The following LGALS16 variants were observed in gnomAD, a reference collection of about 807,000 sequenced individuals.
The protein encoded by LGALS16 is galectin 16.
A neutral mutation model predicts 13.2 loss-of-function variants in LGALS16; 15 were observed. The observed-to-expected ratio is 1.13, with a 90% CI of 0.76 to 1.75. The LOEUF (loss-of-function observed/expected upper bound fraction) is 1.75, where lower values mean the gene tolerates loss of function less well. Ranked by LOEUF, LGALS16 falls within the 40% of genes most tolerant of loss-of-function variation. The pLI is 0.00. For missense variants in LGALS16, 198 were observed against 178.4 expected (o/e 1.11, Z -0.63); for synonymous variants, 66 against 65.4 (o/e 1.01, Z -0.05).
chr19:39,658,565 T>C lies in LGALS16; in HGVS notation c.198T>C (p.Ser66=), dbSNP rs775823514. 1 of 1,608,852 alleles carries C rather than the reference T, an allele frequency of 6.2e-7. No homozygotes were observed. The highest frequency in any genetic ancestry group is 1.7e-5 in the Admixed American group (1 of 59,654). ...VHLGRRVVMN[S]REFGIWMLEE... is the part of the protein sequence containing the mutation. ...TAGGCCGTCGTGTGGTCATGAACAG[T>C]CGTGAGTTTGGGATATGGATGTTGG... Residue 66 remains serine (S), a synonymous_variant, in exon 3 of 4, where the codon AGT becomes AGC. Coordinates refer to ENST00000392051, the MANE Select transcript of LGALS16 (RefSeq NM_001190441.3).
At chr19:39,660,278 G>A (rs572313928) in intron 3 of LGALS16, 117 bp from the exon 4 acceptor site, 66 of 960,478 alleles carry the variant, frequency 6.9e-5, no homozygotes, top group African/African-American at 4.4e-4. Context: ...TACAACATTC[G>A]CTTGTATAAC....
At chr19:39,658,711 A>T (rs1465159657) in intron 3 of LGALS16, 41 bp downstream of exon 3, 8 of 1,324,336 alleles carry the variant, frequency 6.0e-6, no homozygotes, top group Non-Finnish European at 8.4e-6. Context: ...GCTCTTTGGG[A>T]TCCCAGAGCA....
Position 39,658,570 on chromosome 19 carries a change from A to C in LGALS16, c.203A>C (p.Glu68Ala). The C allele has an allele frequency of 6.2e-7, 1 of 1,608,956 alleles. No homozygotes were observed. The highest frequency in any genetic ancestry group is 8.5e-7 in the Non-Finnish European group (1 of 1,179,128). ...LGRRVVMNSREFGIWMLEENL... is the reference protein window; with the variant it reads ...LGRRVVMNSRAFGIWMLEENL... ...CGTCGTGTGGTCATGAACAGTCGTG[A>C]GTTTGGGATATGGATGTTGGAGGAG... The change falls in exon 3 of 4, where the codon GAG becomes GCG. Residue 68 changes from glutamate to alanine, a missense_variant. By Grantham distance (107) the Glu-to-Ala change is moderately radical. Coordinates refer to ENST00000392051, the MANE Select transcript of LGALS16 (RefSeq NM_001190441.3).
rs1264284319 is a variant in LGALS16 at position 39,658,548 on chromosome 19, C to T, written c.181C>T (p.Arg61Cys). The T allele has an allele frequency of 9.9e-6, 16 of 1,608,324 alleles. No individual in the cohort carries two copies. The highest frequency in any genetic ancestry group is 1.6e-4 in the Middle Eastern group (1 of 6,062). ...CCATTTGCGAGTGCACTTAGGCCGT[C>T]GTGTGGTCATGAACAGTCGTGAGTT... ...AFHLRVHLGR[R>C]VVMNSREFGI... The change falls in exon 3 of 4, where the codon CGT (arginine) becomes TGT (cysteine). Residue 61 changes from arginine (R) to cysteine (C), a missense_variant. Coordinates refer to ENST00000392051, the MANE Select transcript of LGALS16 (RefSeq NM_001190441.3).
intron 2 of LGALS16, 118 bp downstream of exon 2, chr19:39,658,077 C>A (rs1973215564): frequency 3.3e-6 from 4 of 1,216,124 alleles, no homozygotes; most frequent in South Asian, 2.7e-5. Flanking sequence ...AGGCCCCATG[C>A]AGGTGCAGGT....
rs775802391 is a variant in LGALS16 at position 39,658,474 on chromosome 19, T to A, written c.107T>A (p.Leu36Gln). Residue 36 changes from leucine to glutamine, a missense_variant, in exon 3 of 4, where the codon CTG (leucine) becomes CAG (glutamine). Transcript: ENST00000392051. ...LIDSSINEPQ[L>Q]QVDFYTEMNE... ...TTTGCCCTCAGCAACGAACCACAGC[T>A]GCAGGTGGATTTCTACACTGAGATG... is the stretch of plus-strand genomic sequence containing the variant. The A allele has an allele frequency of 3.1e-6, 5 of 1,600,792 alleles. No homozygotes were observed. Among genetic ancestry groups the A allele is most frequent in the Admixed American group, 3.4e-5 (2 of 58,516 alleles).
Position 39,660,469 on chromosome 19 carries a change from G to T in LGALS16, c.378G>T (p.Val126=). 4 of 1,542,626 alleles carry T rather than the reference G, an allele frequency of 2.6e-6. No individual in the cohort carries two copies. The highest frequency in any genetic ancestry group is 2.6e-6 in the Non-Finnish European group (3 of 1,148,532). ...CATCATATGTGAAGATGATTCAAGT[G>T]TGGAGAGATGTCTCCCTGGACTCAG... The part of the protein sequence containing the change: ...IPPSYVKMIQ[V]WRDVSLDSVL... The change falls in exon 4 of 4, where the codon GTG becomes GTT. Residue 126 remains valine (V), a synonymous_variant. Coordinates refer to ENST00000392051, the MANE Select transcript of LGALS16 (RefSeq NM_001190441.3).
At chr19:39,656,303 A>T (rs971927553) in intron 1 of LGALS16, among the ~76,000 whole-genome samples, 3 of 152,088 alleles carry the variant, frequency 2.0e-5, no homozygotes, top group Admixed American at 6.6e-5. Flanking sequence ...GGGTGATTGT[A>T]CTTTGTCTTC....
intron 1 of LGALS16, among the ~76,000 whole-genome samples, chr19:39,656,726 T>C (rs1973198948): frequency 6.6e-6 from 1 of 151,744 alleles, no homozygotes; most frequent in African/African-American, 2.4e-5. Flanking sequence ...TCAGGTGGGG[T>C]CTGCACAGAG....
rs572509237 is a variant in LGALS16 at position 39,657,001 on chromosome 19, G to A, written c.16-882G>A. Among the ~76,000 whole-genome samples the A allele has an allele frequency of 2.6e-5, 4 of 152,120 alleles. No homozygotes were observed. The South Asian group carries it at 6.2e-4, about 24-fold the overall frequency. On this transcript the variant is annotated intron_variant, in intron 1 of 3. Coordinates refer to ENST00000392051, the MANE Select transcript of LGALS16 (RefSeq NM_001190441.3). Reference sequence around the variant, plus strand: ...AAAGCAGCTGGGTTCACTGGCTCACGGCTATAATCCCACCAATCTGAGAGA... The same window carrying A: ...AAAGCAGCTGGGTTCACTGGCTCACAGCTATAATCCCACCAATCTGAGAGA...
chr19:39,658,096 C>A, intron 2 of LGALS16, 137 bp downstream of exon 2: 1 of 988,380 alleles, frequency 1.0e-6, no homozygotes, highest in Non-Finnish European at 1.5e-6. Context: ...GTCCTGGAGA[C>A]CCTCCAGCAC....
chr19:39,656,201 C>A (rs970944708), intron 1 of LGALS16, among the ~76,000 whole-genome samples: 2 of 152,046 alleles, frequency 1.3e-5, no homozygotes, highest in Non-Finnish European at 2.9e-5. Flanking sequence ...GAGGTGGTAT[C>A]TGATGAGAGT....
At position 39,658,639 on chromosome 19, in the gene LGALS16, T is replaced by C; in HGVS notation, c.272T>C (p.Leu91Ser). ...TTTGAGGATGGCAAACCATTTGACTTGCGCATCTACGTGTGTCACAATGAG... is the reference window on the plus strand; with the variant it reads ...TTTGAGGATGGCAAACCATTTGACTCGCGCATCTACGTGTGTCACAATGAG... ...VPFEDGKPFD[L>S]RIYVCHNEYE... The change falls in exon 3 of 4, where the codon TTG (leucine) becomes TCG (serine). Residue 91 changes from leucine to serine, a missense_variant. Transcript: ENST00000392051. 1 of 1,593,164 alleles carries C rather than the reference T, an allele frequency of 6.3e-7. No individual in the cohort carries two copies. Among genetic ancestry groups the C allele is most frequent in the Non-Finnish European group, 8.5e-7 (1 of 1,173,042 alleles).
At chr19:39,657,780 GC>G in intron 1 of LGALS16, 102 bp from the exon 2 acceptor site, 1 of 1,297,440 alleles carries the variant, frequency 7.7e-7, no homozygotes, top group Non-Finnish European at 1.1e-6. Context: ...AGTCCACAGA[GC>G]CTGCCCTGTG....
chr19:39,658,208 G>A (rs1973217187), intron 2 of LGALS16, among the ~76,000 whole-genome samples: 1 of 152,176 alleles, frequency 6.6e-6, no homozygotes, highest in African/African-American at 2.4e-5. Flanking sequence ...AAGGGGCATA[G>A]AATTTTCAGG....
In LGALS16 at chr19:39,658,509, T is replaced by C; in HGVS notation, c.142T>C (p.Ser48Pro). The C allele has an allele frequency of 6.2e-7, 1 of 1,606,346 alleles. No homozygotes were observed. Among genetic ancestry groups the C allele is most frequent in the Non-Finnish European group, 8.5e-7 (1 of 1,178,054 alleles). Reference protein sequence around the residue: ...VDFYTEMNEDSEIAFHLRVHL... With the variant: ...VDFYTEMNEDPEIAFHLRVHL... ...TTTCTACACTGAGATGAATGAGGAC[T>C]CAGAAATTGCCTTCCATTTGCGAGT... The change falls in exon 3 of 4, where the codon TCA becomes CCA. Residue 48 changes from serine (S) to proline (P), a missense_variant. Physicochemically the swap from Ser to Pro is moderately conservative, Grantham distance 74. Coordinates refer to ENST00000392051, the MANE Select transcript of LGALS16 (RefSeq NM_001190441.3).
Position 39,660,520 on chromosome 19 carries a change from A to T in LGALS16, c.429A>T (p.Ter143CysextTer?). 1 of 1,549,672 alleles carries T rather than the reference A, an allele frequency of 6.5e-7. No individual in the cohort carries two copies. Among genetic ancestry groups the T allele is most frequent in the Non-Finnish European group, 8.7e-7 (1 of 1,152,740 alleles). The change falls in exon 4 of 4, where the codon TGA becomes TGT. Residue 143 changes from the stop codon to cysteine (C), a stop_lost. Transcript: ENST00000392051. ...DSVLVNNGRR[*>C] is the part of the protein sequence containing the mutation. ...TGCTTGTCAACAATGGACGGAGATGATCACACTCCTCATTGTTGAGGAAAC... is the reference window on the plus strand; with the variant it reads ...TGCTTGTCAACAATGGACGGAGATGTTCACACTCCTCATTGTTGAGGAAAC...
At chr19:39,659,923 G>A (rs547404281) in intron 3 of LGALS16, among the ~76,000 whole-genome samples, 46 of 152,236 alleles carry the variant, frequency 3.0e-4, no homozygotes, top group African/African-American at 1.1e-3. Flanking sequence ...TAAGAACACT[G>A]GGTTTCATTC....
In LGALS16 at chr19:39,655,983, T is replaced by G; in HGVS notation, c.15+7T>G. 6.2e-7 allele frequency: 1 copy of G among 1,613,458 alleles called. No homozygotes were observed. The highest frequency in any genetic ancestry group is 8.5e-7 in the Non-Finnish European group (1 of 1,179,794). On this transcript the variant is annotated splice_region_variant and intron_variant, in intron 1 of 3. Coordinates refer to ENST00000392051, the MANE Select transcript of LGALS16 (RefSeq NM_001190441.3). ...GACAATGTCATTTCTAACTGTGAGTTGAAAAGGCACAGCCTTCAATAATCT... is the reference window on the plus strand; with the variant it reads ...GACAATGTCATTTCTAACTGTGAGTGGAAAAGGCACAGCCTTCAATAATCT...
Sources: gnomAD v4.1 joint callset for allele counts (sites outside exome capture counted in the v4.1 genomes callset) on GRCh38, gnomAD v4.1.1 for gene constraint, MANE v1.5 for transcripts, NCBI Gene and HGNC (gene_info 2026-07-23, HGNC 2026-07-21) for gene names.